AGBL1: variants seen among roughly 807,000 people sequenced by gnomAD.
AGBL1 encodes cytosolic carboxypeptidase 4.
Under a neutral mutation model 118.9 loss-of-function variants are expected in AGBL1, and 130 were observed. The ratio of observed to expected loss-of-function variants is 1.09; its 90% CI spans 0.95 to 1.26. The LOEUF (loss-of-function observed/expected upper bound fraction) is 1.26, where lower values mean the gene tolerates loss of function less well. Among genes scored for constraint, AGBL1 ranks in the 50% most tolerant of loss-of-function variants. AGBL1 has a pLI of 0.00. For synonymous variants in AGBL1, 555 were observed against 478.9 expected, an observed-to-expected ratio of 1.16 and a Z score of -2.08; for missense variants, 1,584 against 1,298.1, an observed-to-expected ratio of 1.22 and a Z score of -3.38.
At chr15:86,875,733 A>T (rs1477849957) in intron 22 of AGBL1, among the ~76,000 whole-genome samples, 4 of 152,218 alleles carry the variant, frequency 2.6e-5, no homozygotes, top group Non-Finnish European at 5.9e-5. Context: ...AGGGGCTCCT[A>T]TTACCATTGA....
chr15:86,271,515 T>A lies in AGBL1; in HGVS notation c.1988-104T>A, dbSNP rs563833086. On this transcript the variant is annotated intron_variant, in intron 14 of 22. Transcript: ENST00000614907. Reference sequence around the variant, plus strand: ...CTCTTTGGCGATATATAGTTAACAGTCACAGTTTCCAGGGATTAAGACCTA... The same window carrying A: ...CTCTTTGGCGATATATAGTTAACAGACACAGTTTCCAGGGATTAAGACCTA... 8 of 873,956 alleles carry A rather than the reference T, an allele frequency of 9.2e-6. No homozygotes were observed. The East Asian group carries it at 1.9e-4, about 21-fold the overall frequency. The allele number at this position is 873,956 out of a possible 1,614,324, so 54.1% of individuals were successfully genotyped here. A position where few individuals can be genotyped will look rare whatever the true frequency, so the allele number is the denominator to read the frequency against.
At chr15:86,296,551 CT>C (rs2079646089) in intron 17 of AGBL1, 1 of 152,224 alleles carries the variant, frequency 6.6e-6, no homozygotes, top group Non-Finnish European at 1.5e-5. Flanking sequence ...TGATGAAGTG[CT>C]AGCCTCATTC....
intron 18 of AGBL1, among the ~76,000 whole-genome samples, chr15:86,400,192 G>A (rs1053318136): frequency 2.6e-5 from 4 of 152,012 alleles, no homozygotes; most frequent in African/African-American, 9.7e-5. Context: ...ATCATCAGGT[G>A]GATTTGTGTT....
At chr15:86,832,082 A>G (rs1468684958) in intron 22 of AGBL1, among the ~76,000 whole-genome samples, 2 of 152,078 alleles carry the variant, frequency 1.3e-5, no homozygotes, top group Non-Finnish European at 2.9e-5. Flanking sequence ...CCTTTTAACC[A>G]TGGCTGGGAT....
intron 22 of AGBL1, among the ~76,000 whole-genome samples, chr15:86,709,280 T>C: frequency 6.6e-6 from 1 of 152,050 alleles, no homozygotes; most frequent in East Asian, 1.9e-4. Context: ...TTTGGGCAAT[T>C]TATTTCTTTT....
At chr15:86,771,280 C>T (rs781075491) in intron 22 of AGBL1, among the ~76,000 whole-genome samples, 3 of 151,956 alleles carry the variant, frequency 2.0e-5, no homozygotes, top group African/African-American at 7.2e-5. Context: ...CTACATTATC[C>T]CTAATCCTTT....
intron 5 of AGBL1, among the ~76,000 whole-genome samples, chr15:86,216,135 T>G (rs2078184339): frequency 6.6e-6 from 1 of 152,202 alleles, no homozygotes; most frequent in South Asian, 2.1e-4. Context: ...TTTATTAGTT[T>G]TAATAGTTTT....
At chr15:86,515,541 C>T (rs2083109717) in intron 18 of AGBL1, among the ~76,000 whole-genome samples, 2 of 152,014 alleles carry the variant, frequency 1.3e-5, no homozygotes, top group South Asian at 2.1e-4. Flanking sequence ...TTTATTATTT[C>T]CTATTCTAAC....
intron 16 of AGBL1, among the ~76,000 whole-genome samples, chr15:86,291,893 C>T (rs181552740): frequency 6.6e-6 from 1 of 152,160 alleles, no homozygotes; most frequent in East Asian, 1.9e-4. Context: ...CAATTACATA[C>T]AAAGATTTGG....
At chr15:86,279,867 A>T in intron 16 of AGBL1, 84 bp downstream of exon 16, 1 of 1,518,042 alleles carries the variant, frequency 6.6e-7, no homozygotes, top group Non-Finnish European at 9.1e-7. Context: ...AGACCCTGAC[A>T]TCCTGATGGG....
rs1160927939 is a variant in AGBL1, at chr15:86,168,169, G to A, written c.488+9143G>A. ...AAAAGACACAGTCCTTGCCCTCAAG[G>A]ATTGTATTGATACATGCACACATTA... On this transcript the variant is annotated intron_variant, in intron 5 of 22. Coordinates refer to ENST00000614907, the MANE Select transcript of AGBL1 (RefSeq NM_001386094.1). Among the ~76,000 whole-genome samples the A allele has an allele frequency of 2.0e-5, 3 of 152,188 alleles. No homozygotes were observed. The East Asian group carries it at 5.8e-4, about 29-fold the overall frequency.
chr15:86,455,842 G>A (rs755351652), intron 18 of AGBL1, among the ~76,000 whole-genome samples: 1 of 152,080 alleles, frequency 6.6e-6, no homozygotes, highest in Non-Finnish European at 1.5e-5. Flanking sequence ...GTAAGTGGCA[G>A]AGCCAGGATT....
At chr15:86,987,502 C>A (rs1009525454) in intron 23 of AGBL1, among the ~76,000 whole-genome samples, 1 of 152,104 alleles carries the variant, frequency 6.6e-6, no homozygotes, top group African/African-American at 2.4e-5. Flanking sequence ...ACTTACCGTA[C>A]AGGCCAAGTC....
intron 23 of AGBL1, among the ~76,000 whole-genome samples, chr15:86,936,534 A>T (rs1368561073): frequency 6.6e-6 from 1 of 152,202 alleles, no homozygotes; most frequent in African/African-American, 2.4e-5. Context: ...CTTCTCTGAC[A>T]AAAACAAGTA....
At chr15:86,699,894 C>T (rs2086326524) in intron 22 of AGBL1, among the ~76,000 whole-genome samples, 1 of 151,990 alleles carries the variant, frequency 6.6e-6, no homozygotes, top group African/African-American at 2.4e-5. Flanking sequence ...AATTATGCAC[C>T]TACCAGTTTT....
chr15:86,158,492 A>G (rs1038285062), intron 4 of AGBL1, among the ~76,000 whole-genome samples: 2 of 152,178 alleles, frequency 1.3e-5, no homozygotes, highest in African/African-American at 4.8e-5. Context: ...AGCTCTACCT[A>G]AAGTGATCTA....
intron 18 of AGBL1, among the ~76,000 whole-genome samples, chr15:86,494,182 G>A (rs944008482): frequency 1.4e-4 from 21 of 152,054 alleles, no homozygotes; most frequent in Non-Finnish European, 1.6e-4. Flanking sequence ...TGGCTATAAA[G>A]TGATTCTAAT....
intron 5 of AGBL1, among the ~76,000 whole-genome samples, chr15:86,209,851 G>T (rs1358144973): frequency 6.6e-6 from 1 of 152,108 alleles, no homozygotes; most frequent in Non-Finnish European, 1.5e-5. Flanking sequence ...ATTTTATCCT[G>T]TCATTATGAC....
At chr15:86,708,414 C>T (rs1010003253) in intron 22 of AGBL1, among the ~76,000 whole-genome samples, 1 of 152,086 alleles carries the variant, frequency 6.6e-6, no homozygotes, top group African/African-American at 2.4e-5. Context: ...AGGAAAATAG[C>T]CCTCACCAGA....
Sources: allele counts gnomAD v4.1 joint callset (sites outside exome capture counted in the v4.1 genomes callset), GRCh38; gene constraint gnomAD v4.1.1; transcripts MANE v1.5; gene names NCBI Gene and HGNC (gene_info 2026-07-23, HGNC 2026-07-21).